ALDH3A1: variants seen among roughly 807,000 people sequenced by gnomAD.
ALDH3A1 encodes the protein aldehyde dehydrogenase 3 family member A1.
Under a neutral mutation model 49.9 loss-of-function variants are expected in ALDH3A1, and 46 were observed. The observed-to-expected ratio is 0.92, with a 90% CI of 0.73 to 1.18. The LOEUF is 1.18. ALDH3A1 is among the 50% of genes most tolerant of loss of function. The probability of loss-of-function intolerance (pLI) is 0.00; values close to 1 mark genes in which losing one functional copy is unlikely to be tolerated. For synonymous variants in ALDH3A1, 269 were observed against 253.3 expected, an observed-to-expected ratio of 1.06 and a Z score of -0.59; for missense variants, 592 against 611.8, an observed-to-expected ratio of 0.97 and a Z score of 0.34.
At chr17:19,746,714 TGCGTGTGTGTGCGC>T (rs2086605604) in intron 1 of ALDH3A1, among the ~76,000 whole-genome samples, 15 of 150,678 alleles carry the variant, frequency 1.0e-4, no homozygotes, top group Admixed American at 3.3e-4. Flanking sequence ...TGTGTGCATG[TGCGTGTGTGTGCGC>T]GCGTGTGCGT....
intron 1 of ALDH3A1, among the ~76,000 whole-genome samples, chr17:19,746,736 CGTGTGT>C (rs908264641): frequency 1.3e-5 from 2 of 150,478 alleles, no homozygotes; most frequent in African/African-American, 4.9e-5. Flanking sequence ...CGCGCGTGTG[CGTGTGT>C]GTGTGGGCGT....
chr17:19,741,141 G>T lies in ALDH3A1; in HGVS notation c.759C>A (p.Asp253Glu), dbSNP rs781403316. The change falls in exon 6 of 11, where the codon GAC becomes GAA. Residue 253 changes from aspartate (D) to glutamate (E), a missense_variant. Transcript: ENST00000225740. ...TCVAPDYILC[D>E]PSIQNQIVEK... ...CCACAATTTGGTTCTGGATCGAGGG[G>T]TCACAGAGGATGTAGTCAGGGGCCA... 2 of 1,614,132 alleles carry T rather than the reference G, an allele frequency of 1.2e-6. No homozygotes were observed. Among genetic ancestry groups the T allele is most frequent in the Non-Finnish European group, 1.7e-6 (2 of 1,179,986 alleles).
At chr17:19,745,206 T>C in intron 1 of ALDH3A1, 72 bp from the exon 2 acceptor site, 2 of 1,449,558 alleles carry the variant, frequency 1.4e-6, no homozygotes, top group South Asian at 2.7e-5. Context: ...GCCTGAATTC[T>C]ATAGGAAGGG....
rs537780681 is a variant in ALDH3A1, at chr17:19,743,862, G to A, written c.163-399C>T. 7.1e-6 allele frequency: 7 copies of A among 985,102 alleles called. No homozygotes were observed. The highest frequency in any genetic ancestry group is 2.3e-4 in the East Asian group (2 of 8,776). The allele number at this position is 985,102 out of a possible 1,614,324, so 61.0% of individuals were successfully genotyped here. The stretch of plus-strand genomic sequence containing the variant: ...GATTCGGGCACTGGGAGCTGGATCC[G>A]GGCAGGGTGGAGGGAGCCAGGCCCT... On this transcript the variant is annotated intron_variant, in intron 2 of 10. Transcript: ENST00000225740. The surrounding 1 kb of genome is among the most constrained non-coding windows in gnomAD (Gnocchi z 4.4).
chr17:19,745,838 T>C (rs1015363839), intron 1 of ALDH3A1, among the ~76,000 whole-genome samples: 15 of 152,248 alleles, frequency 9.9e-5, no homozygotes, highest in African/African-American at 3.6e-4. Context: ...AACATACTTC[T>C]CTGTGACGAA....
At chr17:19,740,174 G>A in intron 7 of ALDH3A1, 162 bp downstream of exon 7, 5 of 866,096 alleles carry the variant, frequency 5.8e-6, no homozygotes, top group Non-Finnish European at 8.6e-6. Flanking sequence ...GCTGTCCTCA[G>A]CCCCTGCCTG....
chr17:19,738,239 T>C lies in ALDH3A1; in HGVS notation c.1348-4A>G. On this transcript the variant is annotated splice_polypyrimidine_tract_variant and splice_region_variant and intron_variant, in intron 10 of 10. Coordinates refer to ENST00000225740, the MANE Select transcript of ALDH3A1 (RefSeq NM_000691.5). ...CCCCTCCTCAGTGCTGGGTCATCTG[T>C]GAAAGGGACACGGAGTGGGCAGTGA... 1 of 1,613,954 alleles carries C rather than the reference T, an allele frequency of 6.2e-7. No individual in the cohort carries two copies. Among genetic ancestry groups the C allele is most frequent in the African/African-American group, 1.3e-5 (1 of 74,990 alleles).
At chr17:19,742,353 CAGT>C in intron 4 of ALDH3A1, 141 bp from the exon 5 acceptor site, 2 of 1,118,112 alleles carry the variant, frequency 1.8e-6, no homozygotes, top group South Asian at 3.0e-5. Flanking sequence ...CAGTAACTGG[CAGT>C]AGACCGCCTT....
In ALDH3A1 at chr17:19,739,546, T is replaced by A. The variant is rs1262918549; in HGVS notation, c.1078A>T (p.Lys360Ter). The A allele has an allele frequency of 1.2e-6, 2 of 1,612,960 alleles. No individual in the cohort carries two copies. Among genetic ancestry groups the A allele is most frequent in the Admixed American group, 1.7e-5 (1 of 59,852 alleles). ...GAGAACATGTAGAGGGCCAGGGGCT[T>A]CTCACGCTGGTTGATGAACTGGATG... ...EAIQFINQREKPLALYMFSSN... is the reference protein window; with the variant it reads ...EAIQFINQRE The change falls in exon 8 of 11, where the codon AAG (lysine) becomes TAG (stop). Residue 360 changes from lysine to a stop codon, truncating the protein, a stop_gained. Transcript: ENST00000225740. LOFTEE classifies it high-confidence loss of function.
rs2086622891 is a variant in ALDH3A1 at position 19,748,173 on chromosome 17, G to A, written c.-6+86C>T. Reference sequence around the variant, plus strand: ...AGGGACCCCCTGGAGAGATGATGTAGGACTCTTGACACTTAGGGCCCCGGC... The same window carrying A: ...AGGGACCCCCTGGAGAGATGATGTAAGACTCTTGACACTTAGGGCCCCGGC... On this transcript the variant is annotated intron_variant, in intron 1 of 10. Coordinates refer to ENST00000225740, the MANE Select transcript of ALDH3A1 (RefSeq NM_000691.5). This position sits in a 1 kb window ranked among gnomAD's most constrained non-coding sequence, Gnocchi z 4.4. The A allele has an allele frequency of 1.4e-5, 5 of 368,508 alleles. No individual in the cohort carries two copies. The highest frequency in any genetic ancestry group is 8.0e-5 in the South Asian group (4 of 49,796). The allele number at this position is 368,508 out of a possible 1,614,324, so 22.8% of individuals were successfully genotyped here.
Position 19,738,023 on chromosome 17 carries a change from C to G in ALDH3A1, c.*198G>C. ...AAATTGTATTCGTCTCTTTATTGGT[C>G]TAGAAAGGGGTGGAGACTTGGAATG... On this transcript the variant is annotated 3_prime_UTR_variant, in exon 11 of 11. Coordinates refer to ENST00000225740, the MANE Select transcript of ALDH3A1 (RefSeq NM_000691.5). 1 of 1,507,596 alleles carries G rather than the reference C, an allele frequency of 6.6e-7. No individual in the cohort carries two copies. Among genetic ancestry groups the G allele is most frequent in the Non-Finnish European group, 8.9e-7 (1 of 1,128,862 alleles). The allele number at this position is 1,507,596 out of a possible 1,614,324, so 93.4% of individuals were successfully genotyped here. A position where few individuals can be genotyped will look rare whatever the true frequency, so the allele number is the denominator to read the frequency against.
chr17:19,739,084 C>T lies in ALDH3A1; in HGVS notation c.1128G>A (p.Lys376=). Residue 376 remains lysine, a synonymous_variant, in exon 9 of 11, where the codon AAG becomes AAA. Coordinates refer to ENST00000225740, the MANE Select transcript of ALDH3A1 (RefSeq NM_000691.5). The stretch of plus-strand genomic sequence containing the variant: ...CACCACTGGATGTCTCTGCAATCAT[C>T]TTCTTAATCACCTGCACCAGGACCC... ...MFSSNDKVIK[K]MIAETSSGGV... The T allele has an allele frequency of 6.2e-7, 1 of 1,613,554 alleles. No individual in the cohort carries two copies. The highest frequency in any genetic ancestry group is 1.1e-5 in the South Asian group (1 of 90,970).
intron 7 of ALDH3A1, 104 bp downstream of exon 7, chr17:19,740,232 C>T (rs3744693): frequency 9.3e-6 from 14 of 1,501,606 alleles, no homozygotes; most frequent in East Asian, 2.3e-5. Context: ...ATACCCATCC[C>T]GAGGTCGTGT....
Position 19,742,219 on chromosome 17 carries a change from T to A in ALDH3A1, c.481-7A>T, listed in dbSNP as rs543542339. The A allele has an allele frequency of 1.2e-6, 2 of 1,613,604 alleles. No individual in the cohort carries two copies. Among genetic ancestry groups the A allele is most frequent in the Non-Finnish European group, 1.7e-6 (2 of 1,179,700 alleles). On this transcript the variant is annotated splice_polypyrimidine_tract_variant and splice_region_variant and intron_variant, in intron 4 of 10. Coordinates refer to ENST00000225740, the MANE Select transcript of ALDH3A1 (RefSeq NM_000691.5). ...TGATTACTGGGTACAGATCCTTCCA[T>A]GCAAGGAGAGAGGGGAGGCTCAGCA... is the stretch of plus-strand genomic sequence containing the variant.
At chr17:19,738,606 C>A in intron 9 of ALDH3A1, 153 bp from the exon 10 acceptor site, 1 of 1,162,736 alleles carries the variant, frequency 8.6e-7, no homozygotes, top group Non-Finnish European at 1.2e-6. Flanking sequence ...ATCCTATGGC[C>A]CTCAGCACCC....
At position 19,748,151 on chromosome 17, in the gene ALDH3A1, G is replaced by A. The variant is rs1306976921; in HGVS notation, c.-6+108C>T. 3.0e-6 allele frequency: 1 copy of A among 330,946 alleles called. No individual in the cohort carries two copies. Among genetic ancestry groups the A allele is most frequent in the Non-Finnish European group, 6.1e-6 (1 of 163,774 alleles). 20.5% of individuals were successfully genotyped at this position (330,946 alleles called of 1,614,324 possible). On this transcript the variant is annotated intron_variant, in intron 1 of 10. Transcript: ENST00000225740. This position sits in a 1 kb window ranked among gnomAD's most constrained non-coding sequence, Gnocchi z 4.4. ...CAGAGATGATGGTCCCAGAGGCAGG[G>A]ACCCCCTGGAGAGATGATGTAGGAC...
At chr17:19,742,980 G>A (rs1236555727) in intron 3 of ALDH3A1, 1 of 1,528,510 alleles carries the variant, frequency 6.5e-7, no homozygotes, top group African/African-American at 1.4e-5. Context: ...GGTGACAGAA[G>A]CTCCAGCCCC....
At chr17:19,744,917 C>CCCCCCCAA in intron 2 of ALDH3A1, 51 bp downstream of exon 2, 1 of 1,360,562 alleles carries the variant, frequency 7.3e-7, no homozygotes, top group Non-Finnish European at 9.6e-7. Context: ...CCCCCCACGC[C>CCCCCCCAA]CCATCGCATG....
chr17:19,743,568 A>G lies in ALDH3A1; in HGVS notation c.163-105T>C. 1.0e-5 allele frequency: 15 copies of G among 1,488,874 alleles called. No individual in the cohort carries two copies. Among genetic ancestry groups the G allele is most frequent in the Non-Finnish European group, 1.3e-5 (15 of 1,124,640 alleles). The allele number at this position is 1,488,874 out of a possible 1,614,324, so 92.2% of individuals were successfully genotyped here. A position where few individuals can be genotyped will look rare whatever the true frequency, so the allele number is the denominator to read the frequency against. ...GCTGCCAGGGTGATGGGGGTCACTC[A>G]CCCAGCCCAGGGTGGGGGCAGCCGC... On this transcript the variant is annotated intron_variant, in intron 2 of 10. Transcript: ENST00000225740. This position sits in a 1 kb window ranked among gnomAD's most constrained non-coding sequence, Gnocchi z 4.4.
Sources: allele counts gnomAD v4.1 joint callset (sites outside exome capture counted in the v4.1 genomes callset), GRCh38; gene constraint gnomAD v4.1.1; non-coding constraint Gnocchi (gnomAD v3.1); transcripts MANE v1.5; gene names NCBI Gene and HGNC (gene_info 2026-07-23, HGNC 2026-07-21).